The following MAP6 variants were observed in gnomAD, a reference collection of about 807,000 sequenced individuals.
The protein encoded by MAP6 is microtubule-associated protein 6.
A neutral mutation model predicts 42.4 loss-of-function variants in MAP6; 26 were observed. That is an observed-to-expected ratio of 0.61 (90% CI 0.45 to 0.85). The LOEUF (loss-of-function observed/expected upper bound fraction) is 0.85. Ranked by LOEUF, MAP6 falls within the 40% of genes least tolerant of loss-of-function variation. MAP6 has a pLI of 0.00. For missense variants in MAP6, 966 were observed against 1,099.0 expected (o/e 0.88, Z 1.71); for synonymous variants, 418 against 443.8 (o/e 0.94, Z 0.73).
rs1385234448 is a variant in MAP6 at position 75,667,852 on chromosome 11, C to T, written c.518G>A (p.Trp173Ter). Residue 173 changes from tryptophan to a stop codon, truncating the protein, a stop_gained, in exon 1 of 4, where the codon TGG (tryptophan) becomes TAG (stop). Transcript: ENST00000304771. LOFTEE classifies it high-confidence loss of function. The surrounding 1 kb of genome is among the most constrained non-coding windows in gnomAD (Gnocchi z 5.6). Reference protein sequence around the residue: ...WPLPRRGDHPWIPKPVQISAA... With the variant: ...WPLPRRGDHP ...AGAGATCTGCACGGGCTTGGGGATC[C>T]ACGGGTGGTCCCCGCGGCGCGGCAG... 7.0e-7 allele frequency: 1 copy of T among 1,435,966 alleles called. No homozygotes were observed. Among genetic ancestry groups the T allele is most frequent in the Admixed American group, 2.3e-5 (1 of 43,084 alleles). The allele number at this position is 1,435,966 out of a possible 1,614,324, so 89.0% of individuals were successfully genotyped here. A position where few individuals can be genotyped will look rare whatever the true frequency, so the allele number is the denominator to read the frequency against.
intron 1 of MAP6, among the ~76,000 whole-genome samples, chr11:75,635,187 GGA>G (rs1255597171): frequency 1.3e-5 from 2 of 152,208 alleles, no homozygotes; most frequent in Non-Finnish European, 2.9e-5. Flanking sequence ...AGCCTGCCTG[GGA>G]TATAAAGGAG....
intron 3 of MAP6, 137 bp downstream of exon 3, chr11:75,605,671 C>G (rs909144863): frequency 6.8e-7 from 1 of 1,460,928 alleles, no homozygotes; most frequent in African/African-American, 1.4e-5. Context: ...CAAAGAGCTC[C>G]TGGAACACTC....
intron 1 of MAP6, among the ~76,000 whole-genome samples, chr11:75,622,741 T>C (rs1943130818): frequency 6.6e-6 from 1 of 152,222 alleles, no homozygotes; most frequent in Non-Finnish European, 1.5e-5. Context: ...CTTATGAAGC[T>C]ACTGTAATCA....
At position 75,605,861 on chromosome 11, in the gene MAP6, T is replaced by C; in HGVS notation, c.1263A>G (p.Pro421=). The change falls in exon 3 of 4, where the codon CCA becomes CCG. Residue 421 remains proline, a synonymous_variant. Coordinates refer to ENST00000304771, the MANE Select transcript of MAP6 (RefSeq NM_033063.2). Reference sequence around the variant, plus strand: ...TCTCTTTGCTTTGCTCCTTGTCGTCTGGCTTGGTGGTACTCGGGCCCTCCG... The same window carrying C: ...TCTCTTTGCTTTGCTCCTTGTCGTCCGGCTTGGTGGTACTCGGGCCCTCCG... ...KSAEGPSTTK[P]DDKEQSKEMN... 2 of 1,614,224 alleles carry C rather than the reference T, an allele frequency of 1.2e-6. No homozygotes were observed. The highest frequency in any genetic ancestry group is 1.7e-6 in the Non-Finnish European group (2 of 1,180,046).
chr11:75,657,780 C>T (rs532122187), intron 1 of MAP6, among the ~76,000 whole-genome samples: 4 of 152,266 alleles, frequency 2.6e-5, no homozygotes, highest in South Asian at 4.1e-4. Flanking sequence ...AGCCAACAAC[C>T]GCCAGTCAAG....
intron 1 of MAP6, among the ~76,000 whole-genome samples, chr11:75,620,853 G>A (rs185531780): frequency 3.9e-5 from 6 of 152,246 alleles, no homozygotes; most frequent in South Asian, 2.1e-4. Flanking sequence ...GTGACAGACC[G>A]GGCACGGTGG....
intron 3 of MAP6, among the ~76,000 whole-genome samples, chr11:75,602,273 G>A (rs1942676401): frequency 6.6e-6 from 1 of 151,966 alleles, no homozygotes; most frequent in Admixed American, 6.6e-5. Context: ...CAACTCCCCA[G>A]CCCTAGTTGG....
intron 1 of MAP6, among the ~76,000 whole-genome samples, chr11:75,633,855 T>C (rs1023419824): frequency 6.6e-6 from 1 of 152,102 alleles, no homozygotes; most frequent in Non-Finnish European, 1.5e-5. Flanking sequence ...GGGAGGGCCT[T>C]GGATAACAGA....
chr11:75,636,741 T>G (rs992582361), intron 1 of MAP6, among the ~76,000 whole-genome samples: 1 of 152,156 alleles, frequency 6.6e-6, no homozygotes, highest in African/African-American at 2.4e-5. Context: ...CCACCAAAAC[T>G]ATTCAAATTA....
Position 75,638,202 on chromosome 11 carries a change from T to C in MAP6, c.905+29263A>G, listed in dbSNP as rs574963265. Among the ~76,000 whole-genome samples the C allele has an allele frequency of 3.9e-5, 6 of 152,350 alleles. No homozygotes were observed. The South Asian group carries it at 1.2e-3, about 32-fold the overall frequency. On this transcript the variant is annotated intron_variant, in intron 1 of 3. Transcript: ENST00000304771. ...CAGGCCTGGCTTACAGCAATCCTGG[T>C]GGCTGTTACCACTCCCAGGAAGTGT...
chr11:75,607,917 T>C (rs1362786012), intron 2 of MAP6, among the ~76,000 whole-genome samples, 192 bp downstream of exon 2: 4 of 152,266 alleles, frequency 2.6e-5, no homozygotes, highest in Non-Finnish European at 4.4e-5. Context: ...TCCTCTTTAA[T>C]ATTCCCTTTG....
At chr11:75,666,204 G>A (rs1943943015) in intron 1 of MAP6, among the ~76,000 whole-genome samples, 1 of 152,048 alleles carries the variant, frequency 6.6e-6, no homozygotes, top group African/African-American at 2.4e-5. Flanking sequence ...GATCTTCCCC[G>A]AGAGACCCCA....
chr11:75,654,021 C>T (rs945198892), intron 1 of MAP6, among the ~76,000 whole-genome samples: 5 of 152,192 alleles, frequency 3.3e-5, no homozygotes, highest in African/African-American at 1.2e-4. Flanking sequence ...AAACACCATG[C>T]ACTAAGCTAG....
At chr11:75,631,633 A>G (rs777995123) in intron 1 of MAP6, among the ~76,000 whole-genome samples, 8 of 152,204 alleles carry the variant, frequency 5.3e-5, no homozygotes, top group Non-Finnish European at 1.2e-4. Context: ...AAGGCTGGTG[A>G]TGAGATGATC....
intron 1 of MAP6, among the ~76,000 whole-genome samples, chr11:75,620,964 A>G (rs1239696954): frequency 1.3e-5 from 2 of 152,058 alleles, no homozygotes; most frequent in Non-Finnish European, 2.9e-5. Flanking sequence ...CCCCGTCTCT[A>G]CTAAAAAATA....
In MAP6 at chr11:75,619,500, C is replaced by T. The variant is rs539573146; in HGVS notation, c.906-11178G>A. 7.2e-4 allele frequency among the ~76,000 whole-genome samples: 110 copies of T among 152,284 alleles called. 1 individual carries two copies. Among genetic ancestry groups the T allele is most frequent in the African/African-American group, 2.5e-3 (105 of 41,546 alleles). ...CTGGTTATTTTTCCTGATCCTCTCCCTCTTCCCACCTTCCACCTTCTGATA... is the reference window on the plus strand; with the variant it reads ...CTGGTTATTTTTCCTGATCCTCTCCTTCTTCCCACCTTCCACCTTCTGATA... On this transcript the variant is annotated intron_variant, in intron 1 of 3. Transcript: ENST00000304771.
intron 1 of MAP6, among the ~76,000 whole-genome samples, chr11:75,610,963 T>C (rs1012574328): frequency 1.3e-5 from 2 of 152,128 alleles, no homozygotes; most frequent in Non-Finnish European, 2.9e-5. Context: ...GCAACAAGGC[T>C]GTTCTTGGAT....
chr11:75,602,891 G>A (rs1218134735), intron 3 of MAP6: 1 of 985,444 alleles, frequency 1.0e-6, no homozygotes, highest in Non-Finnish European at 1.2e-6. Flanking sequence ...ATTTATAATT[G>A]GAAAAACTGT....
intron 1 of MAP6, among the ~76,000 whole-genome samples, chr11:75,616,662 T>A (rs1454009612): frequency 2.0e-5 from 3 of 152,308 alleles, no homozygotes; most frequent in Admixed American, 2.0e-4. Context: ...TGTCTCCTTT[T>A]AGAAGGTAGT....
Sources: allele counts gnomAD v4.1 joint callset (sites outside exome capture counted in the v4.1 genomes callset), GRCh38; gene constraint gnomAD v4.1.1; non-coding constraint Gnocchi (gnomAD v3.1); transcripts MANE v1.5; gene names NCBI Gene and HGNC (gene_info 2026-07-23, HGNC 2026-07-21).